PRELID2: variants seen among roughly 807,000 people sequenced by gnomAD.
The protein encoded by PRELID2 is PRELI domain containing 2.
A neutral mutation model predicts 28.4 loss-of-function variants in PRELID2; 25 were observed. That is an observed-to-expected ratio of 0.88 (90% CI 0.64 to 1.23). PRELID2 has a LOEUF of 1.23. PRELID2 is among the 50% of genes most tolerant of loss of function. PRELID2 has a pLI of 0.00. For missense variants in PRELID2, 201 were observed against 214.4 expected, an observed-to-expected ratio of 0.94 and a Z score of 0.39; for synonymous variants, 76 against 71.6, an observed-to-expected ratio of 1.06 and a Z score of -0.31.
chr5:145,383,171 C>T, the PRELID2 span, among the ~76,000 whole-genome samples: 1 of 151,414 alleles, frequency 6.6e-6, no homozygotes, highest in South Asian at 2.1e-4. Flanking sequence ...CAAAATCTAG[C>T]ACAGAAATAC....
intron 1 of PRELID2, among the ~76,000 whole-genome samples, chr5:145,647,741 T>C (rs970872507): frequency 1.3e-5 from 2 of 152,080 alleles, no homozygotes; most frequent in South Asian, 4.2e-4. Context: ...TGGGCCAGAG[T>C]GCACAGTTTC....
chr5:145,677,887 G>T (rs1390791164), intron 1 of PRELID2, among the ~76,000 whole-genome samples: 1 of 152,102 alleles, frequency 6.6e-6, no homozygotes, highest in East Asian at 1.9e-4. Context: ...GCCGCGGTGG[G>T]TGGGGTGCAT....
At chr5:145,286,714 TTG>T in the PRELID2 span, among the ~76,000 whole-genome samples, 6 of 65,056 alleles carry the variant, frequency 9.2e-5, no homozygotes, top group South Asian at 3.3e-4. Context: ...TTTTTTTTGT[TTG>T]TTTGTTTGTT....
intron 1 of PRELID2, among the ~76,000 whole-genome samples, chr5:145,646,302 C>A (rs1754195385): frequency 6.6e-6 from 1 of 152,094 alleles, no homozygotes; most frequent in South Asian, 2.1e-4. Flanking sequence ...TCTCTGATAT[C>A]CTTTCTTCCT....
intron 1 of PRELID2, among the ~76,000 whole-genome samples, chr5:145,684,356 G>A (rs750199250): frequency 4.6e-5 from 7 of 152,110 alleles, no homozygotes; most frequent in Non-Finnish European, 1.0e-4. Flanking sequence ...TGCTAAAAGA[G>A]ATTCTTCCTC....
intron 1 of PRELID2, among the ~76,000 whole-genome samples, chr5:145,538,921 A>G (rs150036342): frequency 6.6e-6 from 1 of 152,066 alleles, no homozygotes; most frequent in Non-Finnish European, 1.5e-5. Context: ...CACATACTCA[A>G]TCAGCAGAAA....
At chr5:145,644,817 G>C (rs1754169534) in intron 1 of PRELID2, among the ~76,000 whole-genome samples, 1 of 152,172 alleles carries the variant, frequency 6.6e-6, no homozygotes, top group Admixed American at 6.5e-5. Context: ...CCATATAGTT[G>C]TGTGGTTTTG....
intron 1 of PRELID2, among the ~76,000 whole-genome samples, chr5:145,550,679 T>A (rs1752826017): frequency 6.6e-6 from 1 of 152,104 alleles, no homozygotes. Context: ...TCAGAAATAA[T>A]GTAAATAAGA....
intron 1 of PRELID2, among the ~76,000 whole-genome samples, chr5:145,497,147 A>T (rs1483088376): frequency 6.6e-6 from 1 of 152,136 alleles, no homozygotes; most frequent in African/African-American, 2.4e-5. Flanking sequence ...TACAGGCATG[A>T]GCCACCATGC....
At chr5:145,354,581 G>A in the PRELID2 span, among the ~76,000 whole-genome samples, 8 of 152,146 alleles carry the variant, frequency 5.3e-5, no homozygotes, top group South Asian at 1.7e-3. Flanking sequence ...CCAACCTCAA[G>A]AGAAATACCT....
At chr5:145,404,423 C>A in the PRELID2 span, among the ~76,000 whole-genome samples, 6 of 152,094 alleles carry the variant, frequency 3.9e-5, no homozygotes, top group Non-Finnish European at 8.8e-5. Flanking sequence ...ACATTATTTG[C>A]ATTTATTCAT....
At chr5:145,667,839 A>G (rs1754625502) in intron 1 of PRELID2, among the ~76,000 whole-genome samples, 1 of 152,106 alleles carries the variant, frequency 6.6e-6, no homozygotes. Context: ...ACACATGCCA[A>G]TTGTAGACTT....
chr5:145,489,177 T>C (rs944897486), intron 1 of PRELID2, among the ~76,000 whole-genome samples: 3 of 152,178 alleles, frequency 2.0e-5, no homozygotes, highest in Non-Finnish European at 2.9e-5. Context: ...TGAATATGTA[T>C]ACCATGAATA....
At chr5:145,357,277 T>C in the PRELID2 span, among the ~76,000 whole-genome samples, 30 of 152,310 alleles carry the variant, frequency 2.0e-4, no homozygotes, top group Non-Finnish European at 3.8e-4. Context: ...ATTTGAGGGT[T>C]GTCCTCTCTA....
chr5:145,402,650 A>T, the PRELID2 span, among the ~76,000 whole-genome samples: 1 of 152,160 alleles, frequency 6.6e-6, no homozygotes, highest in African/African-American at 2.4e-5. Context: ...TCTTATCTTC[A>T]CAATAGATAT....
At chr5:145,817,198 A>AAAAATATAT (rs1365517052) in intron 4 of PRELID2, among the ~76,000 whole-genome samples, 16 of 70,082 alleles carry the variant, frequency 2.3e-4, no homozygotes, top group Non-Finnish European at 4.2e-4. Flanking sequence ...TTCAAAAAAA[A>AAAAATATAT]ATAAATAAAT....
rs1308850695 is a variant in PRELID2, at chr5:145,772,660, A to G, written c.475-7660T>C. Among the ~76,000 whole-genome samples, 2 of 152,210 alleles carry G rather than the reference A, an allele frequency of 1.3e-5. 1 individual carries two copies. Among genetic ancestry groups the G allele is most frequent in the Non-Finnish European group, 2.9e-5 (2 of 68,036 alleles). On this transcript the variant is annotated intron_variant, in intron 5 of 6. Transcript: ENST00000683046. ...GGGGTGGAGCCCTCACTATCTGAAC[A>G]CTTCTCATTAGGTCACTTCCAACAC...
chr5:145,532,033 T>G (rs890809760), intron 1 of PRELID2, among the ~76,000 whole-genome samples: 3 of 152,166 alleles, frequency 2.0e-5, no homozygotes, highest in Admixed American at 2.0e-4. Context: ...TGCAAAGCAG[T>G]ATAATGTCTG....
intron 1 of PRELID2, among the ~76,000 whole-genome samples, chr5:145,516,795 G>C (rs897584942): frequency 1.3e-5 from 2 of 152,058 alleles, no homozygotes; most frequent in African/African-American, 4.8e-5. Flanking sequence ...CAGATATATA[G>C]ACCAATGGAA....
Sources: gnomAD v4.1 joint callset for allele counts (sites outside exome capture counted in the v4.1 genomes callset) on GRCh38, gnomAD v4.1.1 for gene constraint, MANE v1.5 for transcripts, NCBI Gene and HGNC (gene_info 2026-07-23, HGNC 2026-07-21) for gene names.